The following GLIS3 variants were observed in gnomAD, a reference collection of about 807,000 sequenced individuals.
The protein encoded by GLIS3 is GLIS family zinc finger 3.
A neutral mutation model predicts 78.6 loss-of-function variants in GLIS3; 53 were observed. The observed-to-expected ratio is 0.67, with a 90% confidence interval of 0.54 to 0.85. The LOEUF is 0.85. Among genes scored for constraint, GLIS3 ranks in the 40% least tolerant of loss-of-function variants. The probability of loss-of-function intolerance (pLI) is 0.00; values close to 1 mark genes in which losing one functional copy is unlikely to be tolerated. For synonymous variants in GLIS3, 684 were observed against 509.9 expected (o/e 1.34, Z -4.60); for missense variants, 1,703 against 1,231.1 (o/e 1.38, Z -5.74).
At chr9:4,372,448 C>A in the GLIS3 span, among the ~76,000 whole-genome samples, 1 of 151,536 alleles carries the variant, frequency 6.6e-6, no homozygotes, top group African/African-American at 2.4e-5. Flanking sequence ...GTAAGCATGT[C>A]TTCAACATGC....
chr9:4,072,331 T>C (rs1351621985), intron 4 of GLIS3, among the ~76,000 whole-genome samples: 1 of 152,162 alleles, frequency 6.6e-6, no homozygotes, highest in Non-Finnish European at 1.5e-5. Context: ...CAGTTTGAAA[T>C]ACTGTGAAAA....
chr9:4,201,371 T>C (rs1002613130), intron 2 of GLIS3, among the ~76,000 whole-genome samples: 1 of 152,074 alleles, frequency 6.6e-6, no homozygotes, highest in Non-Finnish European at 1.5e-5. Context: ...GGCATCCAAA[T>C]AGAAAAAGAA....
At chr9:4,119,005 G>T in intron 3 of GLIS3, 124 bp from the exon 4 acceptor site, 1 of 1,013,256 alleles carries the variant, frequency 9.9e-7, no homozygotes, top group Non-Finnish European at 1.5e-6. Flanking sequence ...ATTACATTCT[G>T]TGCTAAACAC....
At chr9:4,068,919 T>C (rs1196852489) in intron 4 of GLIS3, among the ~76,000 whole-genome samples, 2 of 151,960 alleles carry the variant, frequency 1.3e-5, no homozygotes, top group Non-Finnish European at 2.9e-5. Context: ...GTCTGTCCAC[T>C]GATTAAAGGG....
intron 8 of GLIS3, among the ~76,000 whole-genome samples, chr9:3,868,877 CCTGTAGG>C (rs1393236842): frequency 6.6e-6 from 1 of 150,880 alleles, no homozygotes; most frequent in Non-Finnish European, 1.5e-5. Flanking sequence ...AGTCTTCTTG[CCTGTAGG>C]CTATCAGTTT....
rs912850997 is a variant in GLIS3, at chr9:3,867,716, TGTGTGTGTGTGTGCGTGC to T, written c.2298-11550_2298-11533del. Among the ~76,000 whole-genome samples the T allele has an allele frequency of 0.02, 88 of 4,416 alleles. 1 individual carries two copies. The South Asian group carries it at 0.32, about 16-fold the overall frequency. 2.9% of individuals were successfully genotyped at this position (4,416 alleles called of 152,430 possible). A position where few individuals can be genotyped will look rare whatever the true frequency, so the allele number is the denominator to read the frequency against. ...AACTTTTATTACATTCAACAATTCT[TGTGTGTGTGTGTGCGTGC>T]GTGTGTGTGTGTGTGTGTGTGAGTG... On this transcript the variant is annotated intron_variant, in intron 8 of 10. Transcript: ENST00000381971.
At chr9:4,284,336 T>C (rs1470955044) in intron 2 of GLIS3, among the ~76,000 whole-genome samples, 2 of 152,110 alleles carry the variant, frequency 1.3e-5, no homozygotes, top group African/African-American at 2.4e-5. Context: ...TCAGTCAGGA[T>C]TGCAAACACA....
At chr9:4,196,798 C>T (rs1362979553) in intron 2 of GLIS3, among the ~76,000 whole-genome samples, 1 of 152,190 alleles carries the variant, frequency 6.6e-6, no homozygotes, top group Non-Finnish European at 1.5e-5. Flanking sequence ...CAATTTCGGA[C>T]ACACAACTAC....
chr9:4,371,718 A>G, the GLIS3 span, among the ~76,000 whole-genome samples: 2 of 152,142 alleles, frequency 1.3e-5, no homozygotes, highest in Non-Finnish European at 2.9e-5. Context: ...TCATCTTTGC[A>G]AAACAGAAAT....
intron 4 of GLIS3, among the ~76,000 whole-genome samples, chr9:4,014,882 C>A (rs1352174795): frequency 6.6e-6 from 1 of 152,214 alleles, no homozygotes; most frequent in Non-Finnish European, 1.5e-5. Context: ...CATTCACTCA[C>A]TGGTTCTTTC....
At chr9:4,218,314 C>T (rs890905208) in intron 2 of GLIS3, among the ~76,000 whole-genome samples, 5 of 152,044 alleles carry the variant, frequency 3.3e-5, no homozygotes, top group Non-Finnish European at 1.5e-5. Context: ...GATGGAGTCT[C>T]GCTCTGTCGC....
intron 6 of GLIS3, among the ~76,000 whole-genome samples, chr9:3,911,295 G>T (rs1824133265): frequency 6.6e-6 from 1 of 152,168 alleles, no homozygotes; most frequent in Admixed American, 6.5e-5. Context: ...AAAATCCTTA[G>T]ATCTTTTTCC....
chr9:4,138,489 GA>G (rs1409518061), intron 2 of GLIS3, among the ~76,000 whole-genome samples: 3 of 152,340 alleles, frequency 2.0e-5, no homozygotes, highest in Admixed American at 6.5e-5. Context: ...AGGCTTAGTA[GA>G]GGAGTGAGAC....
At chr9:4,379,073 A>C in the GLIS3 span, among the ~76,000 whole-genome samples, 1 of 152,304 alleles carries the variant, frequency 6.6e-6, no homozygotes, top group Admixed American at 6.5e-5. Context: ...CCTAACCTGC[A>C]GCCTCTCGGC....
the GLIS3 span, among the ~76,000 whole-genome samples, chr9:4,387,063 C>A: frequency 3.3e-5 from 5 of 152,120 alleles, no homozygotes; most frequent in African/African-American, 1.2e-4. Flanking sequence ...GCTTGATGGT[C>A]TCTAGGCAAC....
chr9:4,327,757 C>T (rs1398638384), intron 2 of GLIS3, among the ~76,000 whole-genome samples: 4 of 152,186 alleles, frequency 2.6e-5, no homozygotes, highest in African/African-American at 7.2e-5. Flanking sequence ...GCCTGTGTGG[C>T]ATGAGCAGTA....
At chr9:4,387,729 A>C in the GLIS3 span, among the ~76,000 whole-genome samples, 1 of 152,304 alleles carries the variant, frequency 6.6e-6, no homozygotes, top group Admixed American at 6.5e-5. Context: ...GAATTTCTAT[A>C]ATCTTCATTT....
intron 2 of GLIS3, among the ~76,000 whole-genome samples, chr9:4,191,649 C>G (rs1461116836): frequency 1.3e-5 from 2 of 152,102 alleles, no homozygotes; most frequent in East Asian, 3.8e-4. Flanking sequence ...GATACAGAGC[C>G]TGGCCTTCTG....
At chr9:4,318,641 A>G (rs971156838) in intron 2 of GLIS3, among the ~76,000 whole-genome samples, 9 of 152,194 alleles carry the variant, frequency 5.9e-5, no homozygotes, top group South Asian at 2.1e-4. Flanking sequence ...AAATATATAA[A>G]TAAGTAAATA....
Sources: gnomAD v4.1 joint callset for allele counts (sites outside exome capture counted in the v4.1 genomes callset) on GRCh38, gnomAD v4.1.1 for gene constraint, MANE v1.5 for transcripts, NCBI Gene and HGNC (gene_info 2026-07-23, HGNC 2026-07-21) for gene names.